Variants in AGBL4 observed in about 807,000 individuals in gnomAD.
AGBL4 encodes the protein cytosolic carboxypeptidase 6.
AGBL4 carries 58 observed loss-of-function variants against 66.4 expected under a neutral mutation model. The observed-to-expected ratio is 0.87, with a 90% confidence interval of 0.71 to 1.09. AGBL4 has a LOEUF of 1.09. Among genes scored for constraint, AGBL4 ranks in the 50% least tolerant of loss-of-function variants. The pLI is 0.00. For missense variants in AGBL4, 579 were observed against 631.0 expected, an observed-to-expected ratio of 0.92 and a Z score of 0.88; for synonymous variants, 234 against 222.9, an observed-to-expected ratio of 1.05 and a Z score of -0.44.
chr1:49,451,010 A>T (rs1333373488), intron 3 of AGBL4, among the ~76,000 whole-genome samples: 1 of 152,084 alleles, frequency 6.6e-6, no homozygotes, highest in African/African-American at 2.4e-5. Context: ...TGAAATCAAG[A>T]TATCAGCTGG....
intron 5 of AGBL4, among the ~76,000 whole-genome samples, chr1:48,979,519 A>C (rs1372930285): frequency 6.6e-6 from 1 of 152,166 alleles, no homozygotes; most frequent in Non-Finnish European, 1.5e-5. Flanking sequence ...ATAAGCGATA[A>C]GGTATAAATA....
intron 4 of AGBL4, among the ~76,000 whole-genome samples, chr1:49,132,549 T>C (rs1362734636): frequency 3.3e-4 from 50 of 152,132 alleles, no homozygotes; most frequent in Non-Finnish European, 1.5e-4. Flanking sequence ...CCAAGTTCTA[T>C]GCCACTGGAA....
intron 1 of AGBL4, among the ~76,000 whole-genome samples, chr1:49,980,301 T>C (rs529715996): frequency 2.0e-5 from 3 of 152,286 alleles, no homozygotes; most frequent in African/African-American, 7.2e-5. Flanking sequence ...TTTAAGTCTA[T>C]GTACAGTTCA....
chr1:49,325,431 T>C (rs1263523425), intron 3 of AGBL4, among the ~76,000 whole-genome samples: 1 of 152,208 alleles, frequency 6.6e-6, no homozygotes, highest in Non-Finnish European at 1.5e-5. Context: ...CTCTACCTTT[T>C]CCGCTACCAC....
intron 4 of AGBL4, among the ~76,000 whole-genome samples, chr1:49,158,840 G>A (rs1646485392): frequency 6.6e-6 from 1 of 150,872 alleles, no homozygotes; most frequent in African/African-American, 2.4e-5. Flanking sequence ...TGTCTCTTTT[G>A]GTCTTTGTTG....
intron 5 of AGBL4, among the ~76,000 whole-genome samples, chr1:48,898,602 G>T (rs1269974421): frequency 1.3e-5 from 2 of 152,110 alleles, no homozygotes; most frequent in Non-Finnish European, 1.5e-5. Context: ...TGTTAAAGAT[G>T]AGTTGGTATA....
chr1:49,829,726 T>C (rs551996585), intron 2 of AGBL4, among the ~76,000 whole-genome samples: 49 of 152,230 alleles, frequency 3.2e-4, no homozygotes, highest in Non-Finnish European at 5.9e-4. Context: ...CATCAACTCA[T>C]CATGTATATT....
chr1:49,564,401 G>A (rs1349414811), intron 3 of AGBL4, among the ~76,000 whole-genome samples: 2 of 151,746 alleles, frequency 1.3e-5, no homozygotes, highest in Non-Finnish European at 2.9e-5. Context: ...GTGATGTTAG[G>A]GTGCCAATTT....
chr1:49,337,757 A>G (rs1412845831), intron 3 of AGBL4, among the ~76,000 whole-genome samples: 2 of 152,192 alleles, frequency 1.3e-5, no homozygotes, highest in East Asian at 1.9e-4. Flanking sequence ...CTATAAATGT[A>G]TGGATTTCAA....
chr1:49,285,618 C>T (rs558859922), intron 3 of AGBL4, among the ~76,000 whole-genome samples: 20 of 151,978 alleles, frequency 1.3e-4, no homozygotes, highest in East Asian at 3.9e-4. Flanking sequence ...ATTGATAGAC[C>T]GCTAGCAAGA....
chr1:49,934,218 T>C (rs1472401791), intron 1 of AGBL4, among the ~76,000 whole-genome samples: 1 of 152,146 alleles, frequency 6.6e-6, no homozygotes, highest in Non-Finnish European at 1.5e-5. Flanking sequence ...AATAGTAAGA[T>C]ATTTAAATGC....
intron 5 of AGBL4, among the ~76,000 whole-genome samples, chr1:49,023,707 CTT>C (rs979486507): frequency 1.2e-4 from 18 of 152,244 alleles, no homozygotes; most frequent in Admixed American, 2.6e-4. Context: ...CTACAGGTAA[CTT>C]ATCCATCGCC....
intron 3 of AGBL4, among the ~76,000 whole-genome samples, chr1:49,576,805 T>C (rs936285755): frequency 3.9e-5 from 6 of 152,144 alleles, no homozygotes; most frequent in East Asian, 1.9e-4. Flanking sequence ...CTATGATCAG[T>C]TGACAGAGAG....
intron 3 of AGBL4, among the ~76,000 whole-genome samples, chr1:49,258,060 A>C (rs903375175): frequency 1.3e-5 from 2 of 152,220 alleles, no homozygotes; most frequent in East Asian, 3.9e-4. Flanking sequence ...CAGGGTCTGG[A>C]GTGAACCTCT....
At chr1:49,467,278 T>C (rs1646650726) in intron 3 of AGBL4, among the ~76,000 whole-genome samples, 2 of 151,888 alleles carry the variant, frequency 1.3e-5, no homozygotes, top group Admixed American at 1.3e-4. Context: ...GGGTATCTGC[T>C]TTATGTGTTG....
chr1:49,846,240 A>T (rs1452422518), intron 2 of AGBL4: 3 of 1,462,512 alleles, frequency 2.1e-6, no homozygotes, highest in African/African-American at 2.8e-5. Context: ...GAAAAGCCTT[A>T]TGAGTGTCAC....
chr1:48,548,452 C>A (rs921153741), intron 11 of AGBL4, among the ~76,000 whole-genome samples: 1 of 152,202 alleles, frequency 6.6e-6, no homozygotes, highest in Non-Finnish European at 1.5e-5. Context: ...ACCTCAGGGA[C>A]GAGTCCTCCC....
At chr1:48,761,195 G>A (rs535951532) in intron 6 of AGBL4, 20 of 931,744 alleles carry the variant, frequency 2.1e-5, no homozygotes, top group African/African-American at 1.2e-4. Flanking sequence ...GTTGTCCCAC[G>A]CTTTCACTAC....
chr1:49,253,120 T>A (rs1162826058), intron 3 of AGBL4, among the ~76,000 whole-genome samples: 1 of 152,090 alleles, frequency 6.6e-6, no homozygotes, highest in Admixed American at 6.5e-5. Context: ...GGAAGCTGGA[T>A]AAAGAACCAA....
Sources: allele counts gnomAD v4.1 joint callset (sites outside exome capture counted in the v4.1 genomes callset), GRCh38; gene constraint gnomAD v4.1.1; transcripts MANE v1.5; gene names NCBI Gene and HGNC (gene_info 2026-07-23, HGNC 2026-07-21).